The following ATRN variants were observed in gnomAD, a reference collection of about 807,000 sequenced individuals.
The protein encoded by ATRN is attractin.
Under a neutral mutation model 178.7 loss-of-function variants are expected in ATRN, and 54 were observed. The observed-to-expected ratio is 0.30, with a 90% CI of 0.24 to 0.38. ATRN has a LOEUF of 0.38. Among genes scored for constraint, ATRN ranks in the 10% least tolerant of loss-of-function variants. The probability of loss-of-function intolerance (pLI) is 1.00; values close to 1 mark genes in which losing one functional copy is unlikely to be tolerated. For synonymous variants in ATRN, 636 were observed against 663.0 expected, an observed-to-expected ratio of 0.96 and a Z score of 0.63; for missense variants, 1,443 against 1,815.1, an observed-to-expected ratio of 0.79 and a Z score of 3.73.
chr20:3,626,633 A>G (rs923746431), intron 25 of ATRN, among the ~76,000 whole-genome samples: 2 of 152,096 alleles, frequency 1.3e-5, no homozygotes, highest in Admixed American at 6.6e-5. Context: ...TTCACTGAGA[A>G]CAAGAGTTAA....
intron 8 of ATRN, among the ~76,000 whole-genome samples, chr20:3,561,370 A>G (rs756855022): frequency 6.6e-6 from 1 of 152,166 alleles, no homozygotes; most frequent in African/African-American, 2.4e-5. Context: ...GTTAACATTG[A>G]TGTATTACCA....
intron 1 of ATRN, among the ~76,000 whole-genome samples, chr20:3,482,765 G>A (rs1158897785): frequency 6.6e-6 from 1 of 152,094 alleles, no homozygotes; most frequent in African/African-American, 2.4e-5. Context: ...AGCAGTATTT[G>A]GACAACTCTT....
rs1272767045 is a variant in ATRN, at chr20:3,540,388, A to G, written c.608+53A>G. On this transcript the variant is annotated intron_variant, in intron 3 of 28. Coordinates refer to ENST00000262919, the MANE Select transcript of ATRN (RefSeq NM_139321.3). Reference sequence around the variant, plus strand: ...CATCGTTTGATTTCTAAATTTAAACATATCTTCTGGATTGCATTCTTACTG... The same window carrying G: ...CATCGTTTGATTTCTAAATTTAAACGTATCTTCTGGATTGCATTCTTACTG... The G allele has an allele frequency of 4.2e-6, 5 of 1,176,814 alleles. No individual in the cohort carries two copies. In the African/African-American group the frequency reaches 4.6e-5, roughly 11 times the overall value. 72.9% of individuals were successfully genotyped at this position (1,176,814 alleles called of 1,614,324 possible). A position where few individuals can be genotyped will look rare whatever the true frequency, so the allele number is the denominator to read the frequency against.
intron 1 of ATRN, among the ~76,000 whole-genome samples, chr20:3,499,629 A>G (rs1262951033): frequency 6.7e-6 from 1 of 148,430 alleles, no homozygotes; most frequent in Non-Finnish European, 1.5e-5. Context: ...CTGGCTAGCC[A>G]TATGTAGAAA....
At chr20:3,552,355 C>T (rs1351940848) in intron 6 of ATRN, among the ~76,000 whole-genome samples, 1 of 152,170 alleles carries the variant, frequency 6.6e-6, no homozygotes, top group Non-Finnish European at 1.5e-5. Flanking sequence ...TCTCAACCTT[C>T]TGGCTGTGTA....
intron 4 of ATRN, among the ~76,000 whole-genome samples, chr20:3,546,374 C>T (rs575596638): frequency 1.1e-4 from 17 of 148,546 alleles, no homozygotes; most frequent in Middle Eastern, 3.5e-3. Context: ...TTATGAGATG[C>T]GTTATAGTTC....
intron 12 of ATRN, among the ~76,000 whole-genome samples, chr20:3,574,184 C>T (rs1461705438): frequency 1.3e-5 from 2 of 151,866 alleles, no homozygotes; most frequent in Admixed American, 1.3e-4. Flanking sequence ...GATGCTGCTC[C>T]AAGTTAAACT....
In ATRN at chr20:3,471,129, A is replaced by C; in HGVS notation, c.22A>C (p.Thr8Pro). The change falls in exon 1 of 29, where the codon ACT becomes CCT. Residue 8 changes from threonine to proline, a missense_variant. Coordinates refer to ENST00000262919, the MANE Select transcript of ATRN (RefSeq NM_139321.3). The part of the protein sequence containing the change: MVAAAAA[T>P]EARLRRRTAA... Reference sequence around the variant, plus strand: ...GAAGATGGTGGCTGCAGCGGCGGCAACTGAGGCAAGGCTGAGGAGGAGGAC... The same window carrying C: ...GAAGATGGTGGCTGCAGCGGCGGCACCTGAGGCAAGGCTGAGGAGGAGGAC... 1 of 1,511,754 alleles carries C rather than the reference A, an allele frequency of 6.6e-7. No homozygotes were observed. Among genetic ancestry groups the C allele is most frequent in the Non-Finnish European group, 8.8e-7 (1 of 1,136,648 alleles). 93.6% of individuals were successfully genotyped at this position (1,511,754 alleles called of 1,614,324 possible). A position where few individuals can be genotyped will look rare whatever the true frequency, so the allele number is the denominator to read the frequency against.
intron 3 of ATRN, among the ~76,000 whole-genome samples, chr20:3,543,147 C>T (rs138523805): frequency 1.2e-3 from 185 of 152,306 alleles, no homozygotes; most frequent in African/African-American, 4.2e-3. Flanking sequence ...TTTCCCTCTG[C>T]TCTCTTTCCC....
Position 3,646,774 on chromosome 20 carries a change from T to C in ATRN, c.4217T>C (p.Val1406Ala), listed in dbSNP as rs749611599. The C allele has an allele frequency of 4.4e-6, 7 of 1,608,902 alleles. No individual in the cohort carries two copies. The highest frequency in any genetic ancestry group is 4.5e-5 in the East Asian group (2 of 44,730). ...LVDISQQMPI[V>A]YKEKSGAVRN... ...GACATTTCTCAGCAGATGCCGATAG[T>C]GTACAAGGAGAAGTCAGGAGCCGTG... The change falls in exon 29 of 29, where the codon GTG becomes GCG. Residue 1406 changes from valine (V) to alanine (A), a missense_variant. Around this residue, in one of 4 missense-constraint regions of ATRN, gnomAD observed 289 missense variants for 440.8 expected, o/e 0.66. Coordinates refer to ENST00000262919, the MANE Select transcript of ATRN (RefSeq NM_139321.3).
chr20:3,598,464 C>T (rs2086562338), intron 22 of ATRN, among the ~76,000 whole-genome samples: 2 of 152,218 alleles, frequency 1.3e-5, no homozygotes, highest in Admixed American at 1.3e-4. Flanking sequence ...GGAGGGGACA[C>T]TCTGCTCCTA....
chr20:3,619,177 C>T (rs749193737), intron 24 of ATRN, among the ~76,000 whole-genome samples: 1 of 152,206 alleles, frequency 6.6e-6, no homozygotes, highest in Non-Finnish European at 1.5e-5. Context: ...ACAGGGTGGC[C>T]AGCTGTCCTT....
At chr20:3,607,518 C>T (rs2086691702) in intron 24 of ATRN, among the ~76,000 whole-genome samples, 5 of 152,152 alleles carry the variant, frequency 3.3e-5, no homozygotes, top group Admixed American at 2.6e-4. Flanking sequence ...ATAATGACCT[C>T]CAGTTCCATT....
chr20:3,558,729 A>T (rs1487738467), intron 6 of ATRN, among the ~76,000 whole-genome samples: 1 of 151,998 alleles, frequency 6.6e-6, no homozygotes, highest in Non-Finnish European at 1.5e-5. Flanking sequence ...TATAATGAAC[A>T]TGTATGATTT....
intron 16 of ATRN, among the ~76,000 whole-genome samples, 188 bp downstream of exon 16, chr20:3,582,542 T>C (rs2086295594): frequency 6.6e-6 from 1 of 152,182 alleles, no homozygotes; most frequent in Non-Finnish European, 1.5e-5. Flanking sequence ...CTGAATAGTT[T>C]TAATTATAAG....
At chr20:3,502,748 A>G (rs1336733989) in intron 1 of ATRN, among the ~76,000 whole-genome samples, 1 of 151,864 alleles carries the variant, frequency 6.6e-6, no homozygotes, top group African/African-American at 2.4e-5. Context: ...GTTTGAGAAG[A>G]CTCTTCTTCC....
intron 1 of ATRN, among the ~76,000 whole-genome samples, chr20:3,486,617 A>G (rs1052778495): frequency 6.6e-6 from 1 of 152,030 alleles, no homozygotes; most frequent in Non-Finnish European, 1.5e-5. Context: ...CCTGGCCTCA[A>G]GTAATCTGTC....
chr20:3,558,259 A>G (rs1455179757), intron 6 of ATRN, among the ~76,000 whole-genome samples: 1 of 152,116 alleles, frequency 6.6e-6, no homozygotes, highest in Admixed American at 6.5e-5. Context: ...TTAGCTTAAC[A>G]TTGTTTTGAG....
At chr20:3,536,129 G>A (rs2085529225) in intron 2 of ATRN, among the ~76,000 whole-genome samples, 1 of 151,990 alleles carries the variant, frequency 6.6e-6, no homozygotes, top group Admixed American at 6.6e-5. Context: ...TTTTAAAGCA[G>A]TACTTCTCAG....
Sources: gnomAD v4.1 joint callset for allele counts (sites outside exome capture counted in the v4.1 genomes callset) on GRCh38, gnomAD v4.1.1 for gene constraint, gnomAD v4.1.1 regional missense constraint, MANE v1.5 for transcripts, NCBI Gene and HGNC (gene_info 2026-07-23, HGNC 2026-07-21) for gene names.